The following ZHX3 variants were observed in gnomAD, a reference collection of about 807,000 sequenced individuals.
ZHX3 encodes zinc fingers and homeoboxes protein 3.
Under a neutral mutation model 64.5 loss-of-function variants are expected in ZHX3, and 20 were observed. The ratio of observed to expected loss-of-function variants is 0.31; its 90% confidence interval spans 0.22 to 0.45. ZHX3 has a LOEUF of 0.45. Ranked by LOEUF, ZHX3 falls within the 20% of genes least tolerant of loss-of-function variation. ZHX3 has a pLI of 1.00. For missense variants in ZHX3, 1,041 were observed against 1,195.8 expected (o/e 0.87, Z 1.91); for synonymous variants, 423 against 461.6 (o/e 0.92, Z 1.07).
Position 41,219,103 on chromosome 20 carries a change from G to A in ZHX3, c.-150-14037C>T, listed in dbSNP as rs938383500. 2.6e-5 allele frequency among the ~76,000 whole-genome samples: 4 copies of A among 151,800 alleles called. No homozygotes were observed. The highest frequency in any genetic ancestry group is 9.7e-5 in the African/African-American group (4 of 41,306). On this transcript the variant is annotated intron_variant, in intron 2 of 3. Transcript: ENST00000683867. This position sits in a 1 kb window ranked among gnomAD's most constrained non-coding sequence, Gnocchi z 5.0. ...TGCCACCACGCCCAGCTAATTTTTT[G>A]TATTTTTATTAGAGACGGGTTTTCA... is the stretch of plus-strand genomic sequence containing the variant.
intron 1 of ZHX3, among the ~76,000 whole-genome samples, chr20:41,292,467 C>T (rs2044298171): frequency 6.6e-6 from 1 of 151,990 alleles, no homozygotes; most frequent in Admixed American, 6.5e-5. Context: ...GTGCTGTTTG[C>T]CATGTACAAA....
chr20:41,247,959 A>G (rs549782492), intron 2 of ZHX3, among the ~76,000 whole-genome samples: 1 of 152,108 alleles, frequency 6.6e-6, no homozygotes, highest in Non-Finnish European at 1.5e-5. Context: ...AGAGCCTCCC[A>G]TGGCCTACAG....
chr20:41,268,425 T>G (rs1600573454), intron 2 of ZHX3, among the ~76,000 whole-genome samples: 3 of 152,330 alleles, frequency 2.0e-5, no homozygotes, highest in Middle Eastern at 3.4e-3. Context: ...TTTCCCAATT[T>G]AAATTTTAAT....
chr20:41,242,597 T>C (rs1012052359), intron 2 of ZHX3, among the ~76,000 whole-genome samples: 4 of 152,186 alleles, frequency 2.6e-5, no homozygotes, highest in African/African-American at 9.7e-5. Flanking sequence ...TGCTGGCCTC[T>C]GACCCATGAT....
chr20:41,215,563 ACT>A (rs2039459138), intron 2 of ZHX3, among the ~76,000 whole-genome samples: 1 of 152,032 alleles, frequency 6.6e-6, no homozygotes. Context: ...TTAGAAAGTA[ACT>A]CTTGACAGAC....
intron 2 of ZHX3, among the ~76,000 whole-genome samples, chr20:41,211,584 TA>T (rs1462733556): frequency 6.6e-6 from 1 of 152,232 alleles, no homozygotes; most frequent in Non-Finnish European, 1.5e-5. Context: ...TTCATATTTT[TA>T]TCACAATGAG....
At chr20:41,253,025 G>A (rs2042064365) in intron 2 of ZHX3, among the ~76,000 whole-genome samples, 2 of 152,162 alleles carry the variant, frequency 1.3e-5, no homozygotes, top group Admixed American at 1.3e-4. Context: ...CATCTCTAGG[G>A]CCACACAGGA....
chr20:41,249,349 A>T (rs1364487457), intron 2 of ZHX3, among the ~76,000 whole-genome samples: 4 of 152,226 alleles, frequency 2.6e-5, no homozygotes, highest in African/African-American at 9.7e-5. Context: ...GACCAAAAGG[A>T]TAGGTCAAGA....
chr20:41,312,362 G>C (rs544586182), intron 1 of ZHX3, among the ~76,000 whole-genome samples: 1 of 152,148 alleles, frequency 6.6e-6, no homozygotes, highest in African/African-American at 2.4e-5. Context: ...CAACCCACTC[G>C]TGTTCCCTTC....
Position 41,204,516 on chromosome 20 carries a change from C to T in ZHX3, c.401G>A (p.Gly134Glu). Residue 134 changes from glycine (G) to glutamate (E), a missense_variant, in exon 3 of 4, where the codon GGG becomes GAG. By Grantham distance (98) the Gly-to-Glu change is moderately conservative (BLOSUM62 -2). Transcript: ENST00000683867. The surrounding 1 kb of genome is among the most constrained non-coding windows in gnomAD (Gnocchi z 6.6). ...CACGTTCCACACAAAGCTGGCTTCCCCGGAGTGACATGTGGCATTGTGCAA... is the reference window on the plus strand; with the variant it reads ...CACGTTCCACACAAAGCTGGCTTCCTCGGAGTGACATGTGGCATTGTGCAA... ...LSLHNATCHS[G>E]EASFVWNVAK... 6.2e-7 allele frequency: 1 copy of T among 1,614,168 alleles called. No homozygotes were observed. The highest frequency in any genetic ancestry group is 8.5e-7 in the Non-Finnish European group (1 of 1,180,038).
At chr20:41,267,297 T>C (rs778719374) in intron 2 of ZHX3, among the ~76,000 whole-genome samples, 1 of 152,208 alleles carries the variant, frequency 6.6e-6, no homozygotes, top group African/African-American at 2.4e-5. Context: ...TGTTTGACAA[T>C]GATTTTTAAG....
At chr20:41,254,320 T>C (rs1273323655) in intron 2 of ZHX3, among the ~76,000 whole-genome samples, 2 of 152,206 alleles carry the variant, frequency 1.3e-5, no homozygotes, top group East Asian at 3.8e-4. Context: ...CCCCAGCTCC[T>C]CTGCATCTCA....
intron 2 of ZHX3, among the ~76,000 whole-genome samples, chr20:41,220,128 G>A (rs1187957451): frequency 6.6e-6 from 1 of 152,188 alleles, no homozygotes; most frequent in Non-Finnish European, 1.5e-5. Flanking sequence ...CAGACAATAA[G>A]CTGAGTGTTG....
rs1455488699 is a variant in ZHX3, at chr20:41,219,229, T to C, written c.-150-14163A>G. Among the ~76,000 whole-genome samples the C allele has an allele frequency of 6.6e-6, 1 of 152,110 alleles. No individual in the cohort carries two copies. Among genetic ancestry groups the C allele is most frequent in the African/African-American group, 2.4e-5 (1 of 41,442 alleles). On this transcript the variant is annotated intron_variant, in intron 2 of 3. Transcript: ENST00000683867. This position sits in a 1 kb window ranked among gnomAD's most constrained non-coding sequence, Gnocchi z 5.0. ...CAAGCGTCAGCCACCGCACCTGGCCTTCCCCCTCAACTCTTATTTTTGTCT... is the reference window on the plus strand; with the variant it reads ...CAAGCGTCAGCCACCGCACCTGGCCCTCCCCCTCAACTCTTATTTTTGTCT...
rs1016032869 is a variant in ZHX3 at position 41,201,962 on chromosome 20, A to C, written c.2860+95T>G. 4 of 1,428,772 alleles carry C rather than the reference A, an allele frequency of 2.8e-6. No homozygotes were observed. In the African/African-American group the frequency reaches 5.8e-5, roughly 21 times the overall value. The allele number at this position is 1,428,772 out of a possible 1,614,324, so 88.5% of individuals were successfully genotyped here. A position where few individuals can be genotyped will look rare whatever the true frequency, so the allele number is the denominator to read the frequency against. On this transcript the variant is annotated intron_variant, in intron 3 of 3. Transcript: ENST00000683867. This position sits in a 1 kb window ranked among gnomAD's most constrained non-coding sequence, Gnocchi z 5.0. ...GCTGCTGCCAGGCAGCCTTAGAGAC[A>C]GCAGATGCCCCTGTGCAGTAAATTC...
chr20:41,225,531 A>G (rs2040208228), intron 2 of ZHX3, among the ~76,000 whole-genome samples: 1 of 152,324 alleles, frequency 6.6e-6, no homozygotes, highest in Middle Eastern at 3.4e-3. Flanking sequence ...CTTGTCGCTC[A>G]GGTTGGAGTA....
chr20:41,215,948 CAA>C (rs536278761), intron 2 of ZHX3, among the ~76,000 whole-genome samples: 7 of 58,072 alleles, frequency 1.2e-4, no homozygotes, highest in Admixed American at 2.0e-4. Flanking sequence ...CGAGACTGTC[CAA>C]AAAAAAAAAA....
intron 1 of ZHX3, among the ~76,000 whole-genome samples, chr20:41,270,442 G>A (rs1174615698): frequency 9.2e-5 from 14 of 151,432 alleles, no homozygotes; most frequent in East Asian, 3.9e-4. Flanking sequence ...TTGGGAGGCC[G>A]AGGTGGGCAA....
At chr20:41,265,579 T>A (rs562443194) in intron 2 of ZHX3, among the ~76,000 whole-genome samples, 14 of 152,226 alleles carry the variant, frequency 9.2e-5, no homozygotes, top group African/African-American at 3.1e-4. Context: ...CAAGCTTGAG[T>A]GCACATGAAA....
Sources: allele counts gnomAD v4.1 joint callset (sites outside exome capture counted in the v4.1 genomes callset), GRCh38; gene constraint gnomAD v4.1.1; non-coding constraint Gnocchi (gnomAD v3.1); transcripts MANE v1.5; gene names NCBI Gene and HGNC (gene_info 2026-07-23, HGNC 2026-07-21).